Variants in GDPD4 observed in about 807,000 individuals in gnomAD.
GDPD4 encodes glycerophosphodiester phosphodiesterase 6.
A neutral mutation model predicts 67.8 loss-of-function variants in GDPD4; 60 were observed. The observed-to-expected ratio is 0.88, with a 90% CI of 0.72 to 1.10. GDPD4 has a LOEUF of 1.10. Among genes scored for constraint, GDPD4 ranks in the 50% least tolerant of loss-of-function variants. The pLI, the probability that GDPD4 is intolerant of heterozygous loss-of-function variation, is 0.00. For synonymous variants in GDPD4, 212 were observed against 210.9 expected (o/e 1.00, Z -0.04); for missense variants, 623 against 613.9 (o/e 1.01, Z -0.16).
At chr11:77,286,723 G>C (rs1960011514) in intron 2 of GDPD4, among the ~76,000 whole-genome samples, 1 of 152,218 alleles carries the variant, frequency 6.6e-6, no homozygotes, top group Non-Finnish European at 1.5e-5. Flanking sequence ...AAAAAGGCTA[G>C]TCCACGTGCC....
rs1156675655 is a variant in GDPD4 at position 77,277,404 on chromosome 11, T to TC, written c.148-1185_148-1184insG. ...CAGCCATGTTTCCTTTTTTTTTTTT[T>TC]TTTTTTTTTTTTTTGAGACAGAGTC... is the stretch of plus-strand genomic sequence containing the variant. On this transcript the variant is annotated intron_variant, in intron 4 of 16. Coordinates refer to ENST00000315938, the MANE Select transcript of GDPD4 (RefSeq NM_182833.3). Among the ~76,000 whole-genome samples the TC allele has an allele frequency of 1.5e-3, 173 of 111,768 alleles. 5 individuals are homozygous for TC. The highest frequency in any genetic ancestry group is 2.2e-3 in the Non-Finnish European group (118 of 52,908). The allele number at this position is 111,768 out of a possible 152,430, so 73.3% of individuals were successfully genotyped here.
chr11:77,221,335 T>A (rs1958220323), intron 16 of GDPD4, among the ~76,000 whole-genome samples: 1 of 152,238 alleles, frequency 6.6e-6, no homozygotes, highest in African/African-American at 2.4e-5. Context: ...CAGTGTCAAT[T>A]TTAGATCTTT....
intron 13 of GDPD4, among the ~76,000 whole-genome samples, chr11:77,237,443 C>T (rs1958589045): frequency 6.6e-6 from 1 of 152,136 alleles, no homozygotes; most frequent in South Asian, 2.1e-4. Flanking sequence ...TATCAACCAA[C>T]TTGAACTAAT....
chr11:77,288,133 T>A (rs774159804), intron 1 of GDPD4, among the ~76,000 whole-genome samples: 2 of 152,050 alleles, frequency 1.3e-5, no homozygotes, highest in Non-Finnish European at 2.9e-5. Context: ...TACCCACACA[T>A]GCCAGCTGGG....
intron 1 of GDPD4, among the ~76,000 whole-genome samples, chr11:77,296,659 T>C (rs964597493): frequency 2.0e-5 from 3 of 151,992 alleles, no homozygotes; most frequent in African/African-American, 4.8e-5. Context: ...GAAAAGACTT[T>C]CTGGAGGAAA....
chr11:77,269,722 T>TAC (rs2135871551), intron 8 of GDPD4, among the ~76,000 whole-genome samples, 161 bp downstream of exon 8: 1 of 152,124 alleles, frequency 6.6e-6, no homozygotes, highest in African/African-American at 2.4e-5. Context: ...CTCTAGTACA[T>TAC]ACACACACAT....
At chr11:77,283,115 G>A (rs947474508) in intron 3 of GDPD4, among the ~76,000 whole-genome samples, 3 of 152,192 alleles carry the variant, frequency 2.0e-5, no homozygotes, top group African/African-American at 4.8e-5. Context: ...GATCACAAAT[G>A]GGGGATGGCT....
At chr11:77,300,299 C>A (rs963052542) in intron 1 of GDPD4, among the ~76,000 whole-genome samples, 2 of 152,188 alleles carry the variant, frequency 1.3e-5, no homozygotes, top group Non-Finnish European at 2.9e-5. Flanking sequence ...CCACGTGTGT[C>A]AGGAATAAGA....
At chr11:77,271,247 CT>C (rs747364280) in intron 6 of GDPD4, 24 bp from the exon 7 acceptor site, 1 of 1,608,496 alleles carries the variant, frequency 6.2e-7, no homozygotes, top group East Asian at 2.2e-5. Flanking sequence ...AAAAGTCAGG[CT>C]GGATACATCT....
chr11:77,240,554 C>G (rs1417825965), intron 13 of GDPD4, among the ~76,000 whole-genome samples: 2 of 151,968 alleles, frequency 1.3e-5, no homozygotes, highest in African/African-American at 2.4e-5. Flanking sequence ...GGGAAAAGCT[C>G]CACAACATTG....
intron 13 of GDPD4, among the ~76,000 whole-genome samples, chr11:77,241,954 T>A (rs932533723): frequency 6.6e-6 from 1 of 151,888 alleles, no homozygotes; most frequent in South Asian, 2.1e-4. Flanking sequence ...AATAAATAAG[T>A]CTAACTTATA....
chr11:77,268,934 C>A lies in GDPD4; in HGVS notation c.614G>T (p.Gly205Val), dbSNP rs1959192030. ...CATGCTCAGACCTACCATGGGTGCA[C>A]CTCTATGTCCAAAGATGGTTGGCTT... ...GPKPTIFGHR[G>V]APMLGPENTM... The change falls in exon 9 of 17, where the codon GGT becomes GTT. Residue 205 changes from glycine (G) to valine (V), a missense_variant. Transcript: ENST00000315938. The A allele has an allele frequency of 1.2e-6, 2 of 1,614,022 alleles. No homozygotes were observed. The highest frequency in any genetic ancestry group is 1.7e-6 in the Non-Finnish European group (2 of 1,179,946).
At chr11:77,225,300 CA>C (rs34996619) in intron 16 of GDPD4, among the ~76,000 whole-genome samples, 27,422 of 120,472 alleles carry the variant, frequency 0.23, 3,231 homozygotes, top group Non-Finnish European at 0.31. Flanking sequence ...GACTCTGTCT[CA>C]AAAAAAAAAA....
chr11:77,224,003 G>A (rs1008480741), intron 16 of GDPD4, among the ~76,000 whole-genome samples: 1 of 152,240 alleles, frequency 6.6e-6, no homozygotes, highest in Admixed American at 6.5e-5. Flanking sequence ...GCTGAACCAG[G>A]CAGGGATATA....
chr11:77,275,904 T>C (rs1449860411), intron 5 of GDPD4, among the ~76,000 whole-genome samples: 1 of 152,218 alleles, frequency 6.6e-6, no homozygotes. Flanking sequence ...GGGCTACAGA[T>C]TGAGTTTAAT....
At chr11:77,234,656 T>G (rs1310245693) in intron 13 of GDPD4, among the ~76,000 whole-genome samples, 1 of 152,220 alleles carries the variant, frequency 6.6e-6, no homozygotes, top group Middle Eastern at 3.2e-3. Flanking sequence ...GCTTCATCTA[T>G]GTGCTGCAAA....
At chr11:77,279,108 G>A (rs1959630960) in intron 4 of GDPD4, among the ~76,000 whole-genome samples, 198 bp downstream of exon 4, 1 of 152,170 alleles carries the variant, frequency 6.6e-6, no homozygotes, top group Non-Finnish European at 1.5e-5. Context: ...AACAGAACAG[G>A]CTTTCCTTCC....
chr11:77,286,401 T>A (rs1023209835), intron 2 of GDPD4, among the ~76,000 whole-genome samples: 1 of 152,178 alleles, frequency 6.6e-6, no homozygotes, highest in South Asian at 2.1e-4. Flanking sequence ...AGCACTTGTA[T>A]TATCCCCAGT....
chr11:77,257,133 C>T lies in GDPD4; in HGVS notation c.864+1253G>A, dbSNP rs377211995. On this transcript the variant is annotated intron_variant, in intron 11 of 16. Coordinates refer to ENST00000315938, the MANE Select transcript of GDPD4 (RefSeq NM_182833.3). ...TACTACCGTATAAGTGAGCTATTAC[C>T]ACAGCTGACCCTCACACCTTGCTAT... Among the ~76,000 whole-genome samples the T allele has an allele frequency of 4.6e-4, 70 of 152,244 alleles. 2 individuals are homozygous for T. In the South Asian group the frequency reaches 0.013, roughly 28 times the overall value.
Sources: gnomAD v4.1 joint callset for allele counts (sites outside exome capture counted in the v4.1 genomes callset) on GRCh38, gnomAD v4.1.1 for gene constraint, MANE v1.5 for transcripts, NCBI Gene and HGNC (gene_info 2026-07-23, HGNC 2026-07-21) for gene names.